Variants in BID observed in about 807,000 individuals in gnomAD.
BID encodes BH3 interacting domain death agonist.
Under a neutral mutation model 17.4 loss-of-function variants are expected in BID, and 19 were observed. The observed-to-expected ratio is 1.09, with a 90% CI of 0.76 to 1.60. The LOEUF (loss-of-function observed/expected upper bound fraction) is 1.60. Ranked by LOEUF, BID falls within the 40% of genes most tolerant of loss-of-function variation. The pLI, the probability that BID is intolerant of heterozygous loss-of-function variation, is 0.00. For missense variants in BID, 226 were observed against 256.0 expected (o/e 0.88, Z 0.80); for synonymous variants, 108 against 102.8 (o/e 1.05, Z -0.31).
chr22:17,750,697 G>C (rs560835110), intron 1 of BID, among the ~76,000 whole-genome samples: 8 of 151,652 alleles, frequency 5.3e-5, no homozygotes, highest in Admixed American at 2.6e-4. Context: ...GCGTGGTGGC[G>C]GGCGCCTGTA....
At chr22:17,754,383 C>G (rs2061566053) in intron 1 of BID, among the ~76,000 whole-genome samples, 1 of 152,282 alleles carries the variant, frequency 6.6e-6, no homozygotes, top group African/African-American at 2.4e-5. Flanking sequence ...CGCTTCTGCC[C>G]TGGTTTCGGA....
chr22:17,758,460 G>A (rs186773465), intron 1 of BID, among the ~76,000 whole-genome samples: 74 of 152,316 alleles, frequency 4.9e-4, no homozygotes, highest in South Asian at 3.3e-3. Context: ...TGGGTATTAC[G>A]CTGAAGAACT....
intron 1 of BID, among the ~76,000 whole-genome samples, chr22:17,760,652 C>T (rs1458171584): frequency 6.6e-6 from 1 of 151,980 alleles, no homozygotes; most frequent in Non-Finnish European, 1.5e-5. Flanking sequence ...CTGCAGGACT[C>T]GGAGCCAGCT....
At chr22:17,746,465 G>A (rs765933349) in intron 2 of BID, among the ~76,000 whole-genome samples, 21 of 152,176 alleles carry the variant, frequency 1.4e-4, no homozygotes, top group African/African-American at 3.1e-4. Flanking sequence ...ATTCTTGTAC[G>A]GAGCAGCCGC....
At chr22:17,761,495 G>A (rs1374418143) in intron 1 of BID, among the ~76,000 whole-genome samples, 1 of 145,154 alleles carries the variant, frequency 6.9e-6, no homozygotes, top group East Asian at 2.0e-4. Context: ...GCAGTGGCGT[G>A]ATCTTGGCTC....
chr22:17,746,103 A>G (rs1283341892), intron 2 of BID, among the ~76,000 whole-genome samples: 1 of 152,180 alleles, frequency 6.6e-6, no homozygotes, highest in Non-Finnish European at 1.5e-5. Context: ...CATTACCCTA[A>G]GTGAACTAAC....
intron 1 of BID, among the ~76,000 whole-genome samples, chr22:17,756,543 C>G (rs573654788): frequency 3.4e-4 from 49 of 142,646 alleles, no homozygotes; most frequent in Middle Eastern, 3.6e-3. Context: ...TCTTTCCTTC[C>G]TTCCTTCTTT....
At chr22:17,756,244 C>A (rs2061581863) in intron 1 of BID, among the ~76,000 whole-genome samples, 1 of 152,168 alleles carries the variant, frequency 6.6e-6, no homozygotes, top group African/African-American at 2.4e-5. Flanking sequence ...GATGTTAAAA[C>A]CATTCAAAGG....
At chr22:17,770,818 A>G (rs1196662954) in intron 1 of BID, among the ~76,000 whole-genome samples, 2 of 152,302 alleles carry the variant, frequency 1.3e-5, no homozygotes, top group African/African-American at 4.8e-5. Flanking sequence ...CGGCGCCAGC[A>G]TGGCTATGAG....
At chr22:17,748,337 G>C (rs1361714311) in intron 2 of BID, among the ~76,000 whole-genome samples, 2 of 150,634 alleles carry the variant, frequency 1.3e-5, no homozygotes, top group South Asian at 4.2e-4. Context: ...GTGAAACCCC[G>C]TCTTTACTAA....
chr22:17,762,326 G>A lies in BID; in HGVS notation c.-59+12055C>T, dbSNP rs188135298. On this transcript the variant is annotated intron_variant, in intron 1 of 5. Transcript: ENST00000622694. ...AGCCTGACCAATATGGTGAAATCCC[G>A]TCTCTACTAAAAATACAAAAATTAG... Among the ~76,000 whole-genome samples, 236 of 152,184 alleles carry A rather than the reference G, an allele frequency of 1.6e-3. 1 individual carries two copies. Among genetic ancestry groups the A allele is most frequent in the African/African-American group, 5.4e-3 (223 of 41,514 alleles).
intron 2 of BID, among the ~76,000 whole-genome samples, chr22:17,749,471 C>T (rs970891774): frequency 3.9e-5 from 6 of 152,200 alleles, no homozygotes; most frequent in Admixed American, 1.3e-4. Flanking sequence ...TAAGCCACCT[C>T]GCCCAGCTAT....
At chr22:17,768,697 C>T (rs4819467) in intron 1 of BID, among the ~76,000 whole-genome samples, 11,997 of 152,170 alleles carry the variant, frequency 0.079, 732 homozygotes, top group Non-Finnish European at 0.12. Flanking sequence ...CACGGTGAAA[C>T]CCCTTCTCTA....
At chr22:17,737,307 C>G (rs2061427072) in intron 5 of BID, among the ~76,000 whole-genome samples, 1 of 152,114 alleles carries the variant, frequency 6.6e-6, no homozygotes, top group Non-Finnish European at 1.5e-5. Flanking sequence ...GAAAAGATTT[C>G]AGACAGTTCC....
At chr22:17,761,830 A>G (rs1232114069) in intron 1 of BID, among the ~76,000 whole-genome samples, 1 of 152,194 alleles carries the variant, frequency 6.6e-6, no homozygotes, top group Non-Finnish European at 1.5e-5. Flanking sequence ...GACATAATTC[A>G]TTGCTGCTTT....
chr22:17,768,289 C>T (rs1215526122), intron 1 of BID, among the ~76,000 whole-genome samples: 4 of 152,226 alleles, frequency 2.6e-5, no homozygotes, highest in Non-Finnish European at 5.9e-5. Context: ...TTTGAAAAGG[C>T]AGCCAGCAGG....
chr22:17,736,949 G>A (rs1050626177), intron 5 of BID, among the ~76,000 whole-genome samples: 35 of 151,636 alleles, frequency 2.3e-4, no homozygotes, highest in Non-Finnish European at 3.4e-4. Flanking sequence ...GATTACAGGC[G>A]CCCGCCACCA....
chr22:17,739,711 C>G lies in BID; in HGVS notation c.224-223G>C, dbSNP rs934871920. On this transcript the variant is annotated intron_variant, in intron 3 of 5. Coordinates refer to ENST00000622694, the MANE Select transcript of BID (RefSeq NM_001196.4). ...GGAGCTCAGGGCCTCGGCTGAGGCCCAGGCTCCCGCACACAGGCACCACGT... is the reference window on the plus strand; with the variant it reads ...GGAGCTCAGGGCCTCGGCTGAGGCCGAGGCTCCCGCACACAGGCACCACGT... 1.5e-5 allele frequency: 9 copies of G among 613,928 alleles called. No individual in the cohort carries two copies. The Admixed American group carries it at 2.7e-4, about 18-fold the overall frequency. The allele number at this position is 613,928 out of a possible 1,614,324, so 38.0% of individuals were successfully genotyped here.
chr22:17,738,295 C>T, intron 4 of BID, 66 bp from the exon 5 acceptor site: 1 of 1,470,018 alleles, frequency 6.8e-7, no homozygotes. Context: ...AAGACAGTCC[C>T]CAGTATGAAG....
Sources: allele counts gnomAD v4.1 joint callset (sites outside exome capture counted in the v4.1 genomes callset), GRCh38; gene constraint gnomAD v4.1.1; transcripts MANE v1.5; gene names NCBI Gene and HGNC (gene_info 2026-07-23, HGNC 2026-07-21).